SLC6A15: variants seen among roughly 807,000 people sequenced by gnomAD.
The protein encoded by SLC6A15 is solute carrier family 6 member 15, also known as sodium-dependent neutral amino acid transporter B(0)AT2.
A neutral mutation model predicts 68.5 loss-of-function variants in SLC6A15; 33 were observed. That is an observed-to-expected ratio of 0.48 (90% CI 0.37 to 0.64). The LOEUF is 0.64. Among genes scored for constraint, SLC6A15 ranks in the 30% least tolerant of loss-of-function variants. The pLI, the probability that SLC6A15 is intolerant of heterozygous loss-of-function variation, is 0.00. For synonymous variants in SLC6A15, 347 were observed against 301.0 expected (o/e 1.15, Z -1.58); for missense variants, 747 against 874.3 (o/e 0.85, Z 1.84).
rs556455635 is a variant in SLC6A15 at position 84,884,060 on chromosome 12, A to G, written c.575-20T>C. 2.5e-5 allele frequency: 40 copies of G among 1,588,356 alleles called. No individual in the cohort carries two copies. The South Asian group carries it at 4.2e-4, about 17-fold the overall frequency. ...CTACAACTGTAGAAAGAAAAGTAAC[A>G]CACAATTATTTCAGAATATAAAGAG... is the stretch of plus-strand genomic sequence containing the variant. On this transcript the variant is annotated intron_variant, in intron 4 of 11. Coordinates refer to ENST00000266682, the MANE Select transcript of SLC6A15 (RefSeq NM_182767.6).
At chr12:84,898,702 C>T (rs1872731281) in intron 1 of SLC6A15, among the ~76,000 whole-genome samples, 2 of 152,160 alleles carry the variant, frequency 1.3e-5, no homozygotes, top group Non-Finnish European at 2.9e-5. Flanking sequence ...TCTTTTATTA[C>T]TATGATTATC....
At chr12:84,898,649 C>A (rs993752690) in intron 1 of SLC6A15, among the ~76,000 whole-genome samples, 12 of 152,260 alleles carry the variant, frequency 7.9e-5, no homozygotes, top group Non-Finnish European at 1.8e-4. Context: ...TGATAAAGTA[C>A]ATAAGTCAAT....
chr12:84,892,151 A>C lies in SLC6A15; in HGVS notation c.-31T>G. On this transcript the variant is annotated 5_prime_UTR_variant, in exon 2 of 12. Coordinates refer to ENST00000266682, the MANE Select transcript of SLC6A15 (RefSeq NM_182767.6). ...AGTATGCGAAGTATTTAAAAAAAAA[A>C]AAAAAAACTCCCTTATGGCAAATGT... is the stretch of plus-strand genomic sequence containing the variant. The C allele has an allele frequency of 6.5e-7, 1 of 1,548,216 alleles. No homozygotes were observed. Among genetic ancestry groups the C allele is most frequent in the Non-Finnish European group, 8.7e-7 (1 of 1,153,576 alleles).
chr12:84,870,335 T>C (rs955136998), intron 9 of SLC6A15, 143 bp downstream of exon 9: 9 of 336,736 alleles, frequency 2.7e-5, no homozygotes, highest in East Asian at 4.7e-5. Flanking sequence ...AAATAAATTA[T>C]ACAATGTATA....
At chr12:84,863,960 G>A (rs1030589032) in intron 10 of SLC6A15, among the ~76,000 whole-genome samples, 4 of 150,872 alleles carry the variant, frequency 2.7e-5, no homozygotes, top group Non-Finnish European at 4.4e-5. Flanking sequence ...AGTAATTACT[G>A]CTTAAATATT....
At chr12:84,901,047 C>T (rs1279488531) in intron 1 of SLC6A15, among the ~76,000 whole-genome samples, 7 of 144,694 alleles carry the variant, frequency 4.8e-5, no homozygotes, top group African/African-American at 1.3e-4. Flanking sequence ...TACACATATA[C>T]GTATATATGT....
intron 1 of SLC6A15, among the ~76,000 whole-genome samples, chr12:84,894,627 C>T (rs1872558064): frequency 6.6e-6 from 1 of 152,090 alleles, no homozygotes; most frequent in Non-Finnish European, 1.5e-5. Flanking sequence ...CTCTTCTATA[C>T]ATTTATATTC....
chr12:84,885,637 T>C, intron 3 of SLC6A15, 76 bp from the exon 4 acceptor site: 1 of 1,398,392 alleles, frequency 7.2e-7, no homozygotes, highest in Non-Finnish European at 9.7e-7. Flanking sequence ...TGCATAAAAT[T>C]TTATTTAACA....
At chr12:84,881,606 T>A in intron 5 of SLC6A15, 1 of 985,386 alleles carries the variant, frequency 1.0e-6, no homozygotes, top group Non-Finnish European at 1.2e-6. Flanking sequence ...TTGGGGTATA[T>A]GTATATGCAT....
chr12:84,883,096 T>C (rs193022131), intron 5 of SLC6A15: 1 of 984,796 alleles, frequency 1.0e-6, no homozygotes, highest in Admixed American at 6.2e-5. Flanking sequence ...CAGTAAATTC[T>C]TGCTATGATC....
At chr12:84,908,891 T>C (rs1346713469) in intron 1 of SLC6A15, among the ~76,000 whole-genome samples, 3 of 152,122 alleles carry the variant, frequency 2.0e-5, no homozygotes, top group Non-Finnish European at 4.4e-5. Context: ...TTGATCTCAA[T>C]GTAATAGCTT....
chr12:84,867,852 TC>T (rs1871125283), intron 9 of SLC6A15: 1 of 152,086 alleles, frequency 6.6e-6, no homozygotes, highest in African/African-American at 2.4e-5. Flanking sequence ...AAAAAGAGTT[TC>T]CCCAGTAATA....
At chr12:84,864,982 A>C (rs1487262534) in intron 10 of SLC6A15, among the ~76,000 whole-genome samples, 1 of 152,174 alleles carries the variant, frequency 6.6e-6, no homozygotes, top group Admixed American at 6.5e-5. Flanking sequence ...GTTATTCAGG[A>C]ACACTAGCAT....
At chr12:84,881,752 T>C (rs926134478) in intron 5 of SLC6A15, 2 of 896,114 alleles carry the variant, frequency 2.2e-6, no homozygotes, top group African/African-American at 3.6e-5. Context: ...CACTGTTTAT[T>C]TGGAGGCATT....
At chr12:84,870,191 T>C (rs1871225779) in intron 9 of SLC6A15, among the ~76,000 whole-genome samples, 1 of 151,412 alleles carries the variant, frequency 6.6e-6, no homozygotes, top group Admixed American at 6.6e-5. Context: ...CTAGTGTCAG[T>C]CATTCTTGAT....
Position 84,891,904 on chromosome 12 carries a change from C to T in SLC6A15, c.217G>A (p.Ala73Thr). The T allele has an allele frequency of 6.2e-7, 1 of 1,613,970 alleles. No homozygotes were observed. The highest frequency in any genetic ancestry group is 8.5e-7 in the Non-Finnish European group (1 of 1,179,972). The change falls in exon 2 of 12, where the codon GCC becomes ACC. Residue 73 changes from alanine to threonine, a missense_variant. Transcript: ENST00000266682. ...AWNSKLQYILAQVGFSVGLGN... is the reference protein window; with the variant it reads ...AWNSKLQYILTQVGFSVGLGN... ...AAACCTACAGAAAATCCAACTTGGGCCAGGATGTATTGTAGTTTACTGTTC... is the reference window on the plus strand; with the variant it reads ...AAACCTACAGAAAATCCAACTTGGGTCAGGATGTATTGTAGTTTACTGTTC...
At chr12:84,899,609 T>C (rs1381282515) in intron 1 of SLC6A15, among the ~76,000 whole-genome samples, 9 of 152,156 alleles carry the variant, frequency 5.9e-5, no homozygotes, top group Non-Finnish European at 1.3e-4. Flanking sequence ...TTGCCTCTTA[T>C]CCAGCATCAC....
rs543993801 is a variant in SLC6A15, at chr12:84,866,929, G to C, written c.1655+105C>G. 3 of 1,016,144 alleles carry C rather than the reference G, an allele frequency of 3.0e-6. No homozygotes were observed. The Admixed American group carries it at 1.0e-4, about 34-fold the overall frequency. The allele number at this position is 1,016,144 out of a possible 1,614,324, so 62.9% of individuals were successfully genotyped here. A position where few individuals can be genotyped will look rare whatever the true frequency, so the allele number is the denominator to read the frequency against. On this transcript the variant is annotated intron_variant, in intron 10 of 11. Transcript: ENST00000266682. ...AAAAGGTTTGATTTTTTAAAGAATT[G>C]TTCCCTCTATTCATTTATTTCCTCT...
intron 1 of SLC6A15, among the ~76,000 whole-genome samples, chr12:84,900,013 C>A (rs1565732565): frequency 6.6e-6 from 1 of 151,984 alleles, no homozygotes; most frequent in African/African-American, 2.4e-5. Flanking sequence ...ATTTCTACCA[C>A]AAAAAACCCA....
Sources: gnomAD v4.1 joint callset for allele counts (sites outside exome capture counted in the v4.1 genomes callset) on GRCh38, gnomAD v4.1.1 for gene constraint, MANE v1.5 for transcripts, NCBI Gene and HGNC (gene_info 2026-07-23, HGNC 2026-07-21) for gene names.